The following ZBTB20 variants were observed in gnomAD, a reference collection of about 807,000 sequenced individuals.
ZBTB20 encodes zinc finger and BTB domain-containing protein 20.
ZBTB20 carries 9 observed loss-of-function variants against 56.9 expected under a neutral mutation model. The ratio of observed to expected loss-of-function variants is 0.16; its 90% CI spans 0.10 to 0.28. The LOEUF (loss-of-function observed/expected upper bound fraction) is 0.28. ZBTB20 is among the 10% of genes least tolerant of loss of function. The pLI, the probability that ZBTB20 is intolerant of heterozygous loss-of-function variation, is 1.00. For synonymous variants in ZBTB20, 417 were observed against 420.7 expected, an observed-to-expected ratio of 0.99 and a Z score of 0.11; for missense variants, 655 against 1,003.0, an observed-to-expected ratio of 0.65 and a Z score of 4.69.
In ZBTB20 at chr3:114,380,339, C is replaced by T; in HGVS notation, c.77G>A (p.Gly26Glu). ...SEENEITQPG[G>E]SSAKPGLPCL... is the part of the protein sequence containing the mutation. ...GGGAAGGCCCGGCTTGGCGCTGGAT[C>T]CACCCGGCTGAGTAATCTCATTCTC... Residue 26 changes from glycine (G) to glutamate (E), a missense_variant, in exon 10 of 12, where the codon GGA becomes GAA. Gly to Glu is a moderately conservative substitution (Grantham distance 98). Coordinates refer to ENST00000675478, the MANE Select transcript of ZBTB20 (RefSeq NM_001348800.3). The T allele has an allele frequency of 6.5e-7, 1 of 1,537,150 alleles. No individual in the cohort carries two copies. The highest frequency in any genetic ancestry group is 8.7e-7 in the Non-Finnish European group (1 of 1,146,866).
chr3:114,914,838 T>C (rs2075680558), intron 3 of ZBTB20, among the ~76,000 whole-genome samples: 1 of 151,940 alleles, frequency 6.6e-6, no homozygotes, highest in Non-Finnish European at 1.5e-5. Context: ...CATATGGTTC[T>C]TGTCCTTCAT....
chr3:114,886,388 G>A (rs1330918484), intron 4 of ZBTB20, among the ~76,000 whole-genome samples: 2 of 152,196 alleles, frequency 1.3e-5, no homozygotes, highest in African/African-American at 2.4e-5. Context: ...GCTAAGCAGA[G>A]AAATTAGACG....
intron 6 of ZBTB20, among the ~76,000 whole-genome samples, chr3:114,611,147 C>T (rs2057521564): frequency 6.6e-6 from 1 of 152,156 alleles, no homozygotes; most frequent in South Asian, 2.1e-4. Context: ...TCTCTGCTAG[C>T]ATATGCTCTG....
chr3:114,744,890 C>A (rs1382398287), intron 5 of ZBTB20, among the ~76,000 whole-genome samples: 2 of 151,728 alleles, frequency 1.3e-5, no homozygotes, highest in East Asian at 3.9e-4. Context: ...GTGCAAAGAG[C>A]CTAGAAAAAG....
intron 5 of ZBTB20, among the ~76,000 whole-genome samples, chr3:114,788,246 T>C (rs772194088): frequency 1.8e-4 from 28 of 152,152 alleles, no homozygotes; most frequent in Non-Finnish European, 3.5e-4. Flanking sequence ...AAGTGTACAG[T>C]TCAGTGGCAT....
In ZBTB20 at chr3:115,051,842, G is replaced by A. The variant is rs1219174569; in HGVS notation, c.-507+19377C>T. ...GTTCCACAGGCTGTACAGGAAGCATGCCTGGGGGGCCTCAGAAAACTTAAA... is the reference window on the plus strand; with the variant it reads ...GTTCCACAGGCTGTACAGGAAGCATACCTGGGGGGCCTCAGAAAACTTAAA... On this transcript the variant is annotated intron_variant, in intron 2 of 11. Coordinates refer to ENST00000675478, the MANE Select transcript of ZBTB20 (RefSeq NM_001348800.3). Among the ~76,000 whole-genome samples the A allele has an allele frequency of 2.0e-5, 3 of 152,182 alleles. No individual in the cohort carries two copies. In the East Asian group the frequency reaches 5.8e-4, roughly 29 times the overall value.
intron 5 of ZBTB20, among the ~76,000 whole-genome samples, chr3:114,709,842 C>T (rs190524299): frequency 1.2e-4 from 19 of 152,252 alleles, no homozygotes; most frequent in Middle Eastern, 3.4e-3. Context: ...GATGCTAGAC[C>T]GGTGTCCTTG....
At chr3:114,977,005 C>T (rs1046447982) in intron 2 of ZBTB20, among the ~76,000 whole-genome samples, 2 of 151,322 alleles carry the variant, frequency 1.3e-5, no homozygotes, top group African/African-American at 2.4e-5. Context: ...TTTCACCTTT[C>T]CTAAATTAAA....
intron 1 of ZBTB20, among the ~76,000 whole-genome samples, chr3:115,135,455 T>C (rs1056380122): frequency 1.7e-4 from 26 of 152,206 alleles, no homozygotes; most frequent in Non-Finnish European, 2.9e-4. Context: ...GCATGCTCTT[T>C]AGATTGAAAT....
At chr3:114,817,504 G>C (rs1007278860) in intron 4 of ZBTB20, among the ~76,000 whole-genome samples, 3 of 148,640 alleles carry the variant, frequency 2.0e-5, no homozygotes, top group African/African-American at 7.4e-5. Flanking sequence ...GGCAAAAAGA[G>C]AGAAACTCTG....
intron 7 of ZBTB20, among the ~76,000 whole-genome samples, chr3:114,389,645 T>C (rs901382927): frequency 6.6e-6 from 1 of 151,970 alleles, no homozygotes; most frequent in Non-Finnish European, 1.5e-5. Flanking sequence ...ATCCCAGCAC[T>C]TTGGGAGGCC....
intron 4 of ZBTB20, among the ~76,000 whole-genome samples, chr3:114,830,119 A>T (rs148923545): frequency 6.6e-6 from 1 of 151,974 alleles, no homozygotes; most frequent in African/African-American, 2.4e-5. Flanking sequence ...AACCTATGCC[A>T]TCCTGAATCC....
chr3:114,492,511 T>C (rs932161157), intron 7 of ZBTB20, among the ~76,000 whole-genome samples: 1 of 152,120 alleles, frequency 6.6e-6, no homozygotes, highest in African/African-American at 2.4e-5. Context: ...CATGAAAAAG[T>C]CCAGGAATAT....
intron 6 of ZBTB20, among the ~76,000 whole-genome samples, chr3:114,667,879 C>A (rs968801482): frequency 2.0e-5 from 3 of 151,900 alleles, no homozygotes; most frequent in Non-Finnish European, 4.4e-5. Flanking sequence ...GAGTGGAAAT[C>A]ATCTGTTACA....
At chr3:114,828,735 C>A (rs1158451307) in intron 4 of ZBTB20, among the ~76,000 whole-genome samples, 37 of 151,822 alleles carry the variant, frequency 2.4e-4, no homozygotes, top group Admixed American at 2.4e-3. Context: ...GTTTTAGCAT[C>A]TTTAGGGTTG....
At chr3:114,434,113 GT>G (rs2090329695) in intron 7 of ZBTB20, among the ~76,000 whole-genome samples, 3 of 152,256 alleles carry the variant, frequency 2.0e-5, no homozygotes, top group South Asian at 4.1e-4. Context: ...CCTGCTAGAA[GT>G]TGGCATTATA....
chr3:114,610,785 T>C (rs896411110), intron 6 of ZBTB20, among the ~76,000 whole-genome samples: 1 of 152,106 alleles, frequency 6.6e-6, no homozygotes, highest in Admixed American at 6.5e-5. Flanking sequence ...CTTGGTCCTA[T>C]CTAGAAGGAG....
chr3:114,702,913 C>T (rs1357741081), intron 5 of ZBTB20, among the ~76,000 whole-genome samples: 3 of 151,438 alleles, frequency 2.0e-5, no homozygotes, highest in East Asian at 2.0e-4. Context: ...ATTAAGTATT[C>T]GTTCAAAATA....
intron 1 of ZBTB20, among the ~76,000 whole-genome samples, chr3:115,096,870 A>T (rs2083398740): frequency 6.6e-6 from 1 of 152,238 alleles, no homozygotes; most frequent in Admixed American, 6.5e-5. Flanking sequence ...TAGCACAAGG[A>T]CTAATCATTA....
Sources: allele counts gnomAD v4.1 joint callset (sites outside exome capture counted in the v4.1 genomes callset), GRCh38; gene constraint gnomAD v4.1.1; transcripts MANE v1.5; gene names NCBI Gene and HGNC (gene_info 2026-07-23, HGNC 2026-07-21).